ANK3: variants seen among roughly 807,000 people sequenced by gnomAD.
ANK3 encodes the protein ankyrin 3.
A neutral mutation model predicts 370.9 loss-of-function variants in ANK3; 57 were observed. That is an observed-to-expected ratio of 0.15 (90% CI 0.12 to 0.19). The LOEUF is 0.19. ANK3 is among the 10% of genes least tolerant of loss of function. ANK3 has a pLI of 1.00. For synonymous variants in ANK3, 1,929 were observed against 1,946.3 expected, an observed-to-expected ratio of 0.99 and a Z score of 0.23; for missense variants, 4,439 against 5,302.1, an observed-to-expected ratio of 0.84 and a Z score of 5.06.
At chr10:60,036,837 C>T (rs183827851) in intron 43 of ANK3, among the ~76,000 whole-genome samples, 1 of 152,252 alleles carries the variant, frequency 6.6e-6, no homozygotes, top group East Asian at 1.9e-4. Context: ...CACATCTGTT[C>T]ACTGGTATTC....
At chr10:60,371,887 A>G (rs1228391914) in intron 1 of ANK3, among the ~76,000 whole-genome samples, 1 of 152,202 alleles carries the variant, frequency 6.6e-6, no homozygotes, top group African/African-American at 2.4e-5. Context: ...ACATAAATAG[A>G]AGGGTGGAAG....
At chr10:60,268,979 T>C (rs998499534) in intron 5 of ANK3, among the ~76,000 whole-genome samples, 3 of 152,226 alleles carry the variant, frequency 2.0e-5, no homozygotes, top group African/African-American at 7.2e-5. Context: ...CCCTAGAAGG[T>C]ATAATCTCAA....
intron 2 of ANK3, among the ~76,000 whole-genome samples, chr10:60,564,166 C>T (rs896819088): frequency 6.6e-5 from 10 of 151,976 alleles, no homozygotes; most frequent in African/African-American, 2.4e-4. Flanking sequence ...AAATGGATAG[C>T]ATTTATAAAA....
chr10:60,440,065 C>A (rs1484541911), intron 2 of ANK3, among the ~76,000 whole-genome samples: 2 of 152,164 alleles, frequency 1.3e-5, no homozygotes, highest in Non-Finnish European at 2.9e-5. Flanking sequence ...ACAGAATGCT[C>A]CGTTGCCAAC....
At chr10:60,543,615 A>G (rs1278687528) in intron 2 of ANK3, among the ~76,000 whole-genome samples, 1 of 151,966 alleles carries the variant, frequency 6.6e-6, no homozygotes, top group African/African-American at 2.4e-5. Flanking sequence ...CTCTTTGGGG[A>G]GGGATTTCTC....
intron 1 of ANK3, among the ~76,000 whole-genome samples, chr10:60,722,331 C>T (rs1249810845): frequency 3.3e-5 from 5 of 152,006 alleles, no homozygotes; most frequent in African/African-American, 9.7e-5. Flanking sequence ...GTAGTGCCAC[C>T]AGCTCAGGAG....
At chr10:60,718,230 T>C (rs2079816576) in intron 1 of ANK3, among the ~76,000 whole-genome samples, 1 of 152,246 alleles carries the variant, frequency 6.6e-6, no homozygotes, top group African/African-American at 2.4e-5. Flanking sequence ...TTTAATAGCA[T>C]TCTTGTTGTT....
chr10:60,388,869 C>A (rs1482324987), intron 1 of ANK3, among the ~76,000 whole-genome samples: 1 of 151,902 alleles, frequency 6.6e-6, no homozygotes, highest in Non-Finnish European at 1.5e-5. Context: ...CACAACTTGA[C>A]AAAAAGCACC....
Position 60,043,688 on chromosome 10 carries a change from T to C in ANK3, c.13066-929A>G, listed in dbSNP as rs796393041. On this transcript the variant is annotated intron_variant, in intron 42 of 43. Coordinates refer to ENST00000280772, the MANE Select transcript of ANK3 (RefSeq NM_020987.5). ...TTTTGCCATTCTAACTTTTAAAGCC[T>C]GTGCTTTTGGAGTGCTCTCCGCCCC... is the stretch of plus-strand genomic sequence containing the variant. 41 of 985,482 alleles carry C rather than the reference T, an allele frequency of 4.2e-5. No individual in the cohort carries two copies. The African/African-American group carries it at 7.0e-4, about 17-fold the overall frequency. 61.0% of individuals were successfully genotyped at this position (985,482 alleles called of 1,614,324 possible). A position where few individuals can be genotyped will look rare whatever the true frequency, so the allele number is the denominator to read the frequency against.
chr10:60,623,422 G>C (rs1314937514), intron 1 of ANK3, among the ~76,000 whole-genome samples: 1 of 152,100 alleles, frequency 6.6e-6, no homozygotes, highest in Non-Finnish European at 1.5e-5. Flanking sequence ...AGTTTGAATG[G>C]GCAAGGACAC....
chr10:60,702,851 G>C (rs116381784), intron 1 of ANK3, among the ~76,000 whole-genome samples: 1 of 152,070 alleles, frequency 6.6e-6, no homozygotes, highest in Non-Finnish European at 1.5e-5. Flanking sequence ...GCCTTCACAT[G>C]GAAGAATATA....
At chr10:60,386,985 C>A (rs537645989) in intron 1 of ANK3, among the ~76,000 whole-genome samples, 8 of 152,120 alleles carry the variant, frequency 5.3e-5, no homozygotes, top group Admixed American at 3.9e-4. Flanking sequence ...CACGGCGAAA[C>A]CCCATCTCTA....
intron 27 of ANK3, among the ~76,000 whole-genome samples, chr10:60,106,303 T>C (rs895268843): frequency 6.6e-6 from 1 of 152,072 alleles, no homozygotes; most frequent in Non-Finnish European, 1.5e-5. Flanking sequence ...TAGGATTTAA[T>C]GGGGGAAATT....
At chr10:60,477,524 C>T (rs1339686110) in intron 2 of ANK3, among the ~76,000 whole-genome samples, 83 of 122,714 alleles carry the variant, frequency 6.8e-4, no homozygotes, top group African/African-American at 2.6e-3. Context: ...CATACACACA[C>T]ACACACACAC....
intron 23 of ANK3, among the ~76,000 whole-genome samples, chr10:60,152,977 G>A (rs919096710): frequency 2.0e-5 from 3 of 152,022 alleles, no homozygotes; most frequent in Non-Finnish European, 4.4e-5. Context: ...TATACTCCTA[G>A]GTTTACATCC....
chr10:60,143,293 A>G (rs1485305633), intron 23 of ANK3, among the ~76,000 whole-genome samples: 1 of 152,192 alleles, frequency 6.6e-6, no homozygotes, highest in Non-Finnish European at 1.5e-5. Flanking sequence ...AAAACATTCT[A>G]TCATTATTAT....
chr10:60,555,828 C>G (rs7077453), intron 2 of ANK3, among the ~76,000 whole-genome samples: 1 of 152,162 alleles, frequency 6.6e-6, no homozygotes, highest in Non-Finnish European at 1.5e-5. Flanking sequence ...GGAATTTTCC[C>G]GTGTTGTCTG....
At chr10:60,723,637 T>C (rs1419946288) in intron 1 of ANK3, among the ~76,000 whole-genome samples, 1 of 152,152 alleles carries the variant, frequency 6.6e-6, no homozygotes. Context: ...ACAGTAGCAA[T>C]GGGTAGACAC....
chr10:60,124,622 T>C (rs926089353), intron 25 of ANK3, among the ~76,000 whole-genome samples: 1 of 152,238 alleles, frequency 6.6e-6, no homozygotes, highest in Non-Finnish European at 1.5e-5. Context: ...GAAATAATAG[T>C]GGTGTTTTTG....
Sources: allele counts gnomAD v4.1 joint callset (sites outside exome capture counted in the v4.1 genomes callset), GRCh38; gene constraint gnomAD v4.1.1; transcripts MANE v1.5; gene names NCBI Gene and HGNC (gene_info 2026-07-23, HGNC 2026-07-21).